The following RANBP9 variants were observed in gnomAD, a reference collection of about 807,000 sequenced individuals.
RANBP9 encodes the protein RAN binding protein 9.
In RANBP9, 15 loss-of-function variants were observed where a neutral mutation model predicts 84.3. The ratio of observed to expected loss-of-function variants is 0.18; its 90% CI spans 0.12 to 0.27. The LOEUF (loss-of-function observed/expected upper bound fraction) is 0.27, where lower values mean the gene tolerates loss of function less well. Among genes scored for constraint, RANBP9 ranks in the 10% least tolerant of loss-of-function variants. RANBP9 has a pLI of 1.00. For missense variants in RANBP9, 809 were observed against 912.8 expected (o/e 0.89, Z 1.46); for synonymous variants, 392 against 349.6 (o/e 1.12, Z -1.35).
chr6:13,648,428 G>A (rs530210680), intron 5 of RANBP9, among the ~76,000 whole-genome samples: 6 of 152,062 alleles, frequency 3.9e-5, no homozygotes, highest in African/African-American at 9.6e-5. Flanking sequence ...GTGAGCCACC[G>A]CACCCAGATG....
chr6:13,673,847 C>A (rs1487324155), intron 2 of RANBP9, among the ~76,000 whole-genome samples: 1 of 152,088 alleles, frequency 6.6e-6, no homozygotes, highest in Non-Finnish European at 1.5e-5. Flanking sequence ...CTTCAGAAGG[C>A]CGAGGCAGGA....
At position 13,659,242 on chromosome 6, in the gene RANBP9, C is replaced by A. The variant is rs3799930; in HGVS notation, c.684-410G>T. Among the ~76,000 whole-genome samples the A allele has an allele frequency of 3.5e-3, 367 of 105,826 alleles. 3 individuals carry two copies. The highest frequency in any genetic ancestry group is 0.024 in the East Asian group (61 of 2,536). 69.4% of individuals were successfully genotyped at this position (105,826 alleles called of 152,430 possible). A position where few individuals can be genotyped will look rare whatever the true frequency, so the allele number is the denominator to read the frequency against. On this transcript the variant is annotated intron_variant, in intron 2 of 13. Coordinates refer to ENST00000011619, the MANE Select transcript of RANBP9 (RefSeq NM_005493.3). ...AAGGGACACAGTACAAATTTAGACC[C>A]CACACACACACACATACACACACAC...
At chr6:13,680,495 T>G (rs1766009384) in intron 2 of RANBP9, among the ~76,000 whole-genome samples, 1 of 152,092 alleles carries the variant, frequency 6.6e-6, no homozygotes, top group African/African-American at 2.4e-5. Context: ...CCCAGCACTT[T>G]GGGAAGCTGA....
At chr6:13,674,697 C>T (rs1765850515) in intron 2 of RANBP9, among the ~76,000 whole-genome samples, 2 of 152,160 alleles carry the variant, frequency 1.3e-5, no homozygotes, top group East Asian at 1.9e-4. Context: ...CAGCAGCTGA[C>T]CAATCATTAC....
At chr6:13,707,005 CAA>C (rs34108954) in intron 1 of RANBP9, among the ~76,000 whole-genome samples, 51,338 of 121,942 alleles carry the variant, frequency 0.42, 9,446 homozygotes, top group Admixed American at 0.53. Context: ...GACTCTGTCT[CAA>C]AAAAAAAAAA....
Position 13,622,266 on chromosome 6 carries a change from A to G in RANBP9, c.*96T>C. The G allele has an allele frequency of 7.9e-7, 1 of 1,270,454 alleles. No individual in the cohort carries two copies. The highest frequency in any genetic ancestry group is 1.0e-6 in the Non-Finnish European group (1 of 975,398). 78.7% of individuals were successfully genotyped at this position (1,270,454 alleles called of 1,614,324 possible). A position where few individuals can be genotyped will look rare whatever the true frequency, so the allele number is the denominator to read the frequency against. ...AGCGACAAAAACCTGTCCCCAGTAC[A>G]TAATTTAAAAAATCTAAATTTCAAA... On this transcript the variant is annotated 3_prime_UTR_variant, in exon 14 of 14. Coordinates refer to ENST00000011619, the MANE Select transcript of RANBP9 (RefSeq NM_005493.3).
intron 5 of RANBP9, among the ~76,000 whole-genome samples, chr6:13,648,754 G>A (rs992489713): frequency 3.3e-5 from 5 of 152,150 alleles, no homozygotes; most frequent in Non-Finnish European, 7.3e-5. Flanking sequence ...ACAAAAAGTA[G>A]ATTTCAAGTC....
intron 2 of RANBP9, among the ~76,000 whole-genome samples, chr6:13,677,609 T>C (rs1163177428): frequency 1.3e-5 from 2 of 152,198 alleles, no homozygotes; most frequent in African/African-American, 4.8e-5. Flanking sequence ...TATACGTATA[T>C]CTATTTATAT....
chr6:13,646,246 C>G (rs1036718638), intron 5 of RANBP9, among the ~76,000 whole-genome samples: 5 of 152,062 alleles, frequency 3.3e-5, no homozygotes, highest in African/African-American at 9.7e-5. Flanking sequence ...CCCGCCTCTA[C>G]TAAAAATACA....
At chr6:13,689,264 C>T (rs1470587083) in intron 2 of RANBP9, among the ~76,000 whole-genome samples, 3 of 151,178 alleles carry the variant, frequency 2.0e-5, no homozygotes, top group South Asian at 2.1e-4. Flanking sequence ...TCCATTCTCA[C>T]TTTTTTTCCT....
intron 2 of RANBP9, among the ~76,000 whole-genome samples, chr6:13,677,371 C>T (rs1199838837): frequency 6.6e-6 from 1 of 151,962 alleles, no homozygotes; most frequent in African/African-American, 2.4e-5. Flanking sequence ...AGAAAAATAG[C>T]CTATGTTCAT....
chr6:13,637,777 T>C, intron 10 of RANBP9, 31 bp downstream of exon 10: 1 of 1,534,096 alleles, frequency 6.5e-7, no homozygotes, highest in Middle Eastern at 1.7e-4. Context: ...AGGTTGCTTA[T>C]ATTAGTGCAA....
intron 5 of RANBP9, among the ~76,000 whole-genome samples, chr6:13,646,544 T>C (rs1054757800): frequency 6.6e-6 from 1 of 152,240 alleles, no homozygotes; most frequent in African/African-American, 2.4e-5. Flanking sequence ...AAGCAGTTTA[T>C]AATGATGATA....
chr6:13,647,856 G>C (rs1765207989), intron 5 of RANBP9, among the ~76,000 whole-genome samples: 1 of 152,022 alleles, frequency 6.6e-6, no homozygotes, highest in African/African-American at 2.4e-5. Flanking sequence ...CTGGAGAATT[G>C]GGAGAAGAGG....
At chr6:13,670,801 GAAAA>G (rs796204005) in intron 2 of RANBP9, among the ~76,000 whole-genome samples, 20 of 56,768 alleles carry the variant, frequency 3.5e-4, no homozygotes, top group South Asian at 1.3e-3. Context: ...TTCCATCTTA[GAAAA>G]AAAAAAAAAA....
intron 2 of RANBP9, among the ~76,000 whole-genome samples, chr6:13,694,953 G>T (rs1344166383): frequency 1.3e-5 from 2 of 152,124 alleles, no homozygotes; most frequent in Non-Finnish European, 1.5e-5. Context: ...TGCGATGCTG[G>T]TTATATGACT....
At chr6:13,625,867 T>C (rs183867651) in intron 12 of RANBP9, 103 bp from the exon 13 acceptor site, 1 of 775,160 alleles carries the variant, frequency 1.3e-6, no homozygotes, top group African/African-American at 1.7e-5. Context: ...AGGCACAGAC[T>C]AATAATGTAA....
At chr6:13,666,428 T>C (rs1022061646) in intron 2 of RANBP9, among the ~76,000 whole-genome samples, 3 of 151,612 alleles carry the variant, frequency 2.0e-5, no homozygotes, top group East Asian at 3.9e-4. Flanking sequence ...TAACACATTT[T>C]TGAAAAGATA....
At chr6:13,708,599 A>G (rs1348622665) in intron 1 of RANBP9, among the ~76,000 whole-genome samples, 1 of 152,254 alleles carries the variant, frequency 6.6e-6, no homozygotes, top group Non-Finnish European at 1.5e-5. Context: ...AGTAGTTTTT[A>G]CTGTTAAAAG....
Sources: allele counts gnomAD v4.1 joint callset (sites outside exome capture counted in the v4.1 genomes callset), GRCh38; gene constraint gnomAD v4.1.1; transcripts MANE v1.5; gene names NCBI Gene and HGNC (gene_info 2026-07-23, HGNC 2026-07-21).